Variants in PDE4D observed in about 807,000 individuals in gnomAD.
PDE4D encodes the protein 3',5'-cyclic-AMP phosphodiesterase 4D.
PDE4D carries 24 observed loss-of-function variants against 87.4 expected under a neutral mutation model. The observed-to-expected ratio is 0.27, with a 90% CI of 0.20 to 0.39. The LOEUF is 0.39. Among genes scored for constraint, PDE4D ranks in the 10% least tolerant of loss-of-function variants. PDE4D has a pLI of 1.00. For missense variants in PDE4D, 714 were observed against 1,041.0 expected (o/e 0.69, Z 4.32); for synonymous variants, 384 against 383.2 (o/e 1.00, Z -0.02).
rs545228504 is a variant in PDE4D at position 59,084,697 on chromosome 5, G to A, written c.809-45726C>T. Among the ~76,000 whole-genome samples, 7 of 151,384 alleles carry A rather than the reference G, an allele frequency of 4.6e-5. No homozygotes were observed. In the South Asian group the frequency reaches 1.5e-3, roughly 32 times the overall value. On this transcript the variant is annotated intron_variant, in intron 5 of 14. Transcript: ENST00000340635. Reference sequence around the variant, plus strand: ...AGTCCAGGAGTTTGAGACCAGCCTGGGCAACAAAGTGAGACACCTGTCTCC... The same window carrying A: ...AGTCCAGGAGTTTGAGACCAGCCTGAGCAACAAAGTGAGACACCTGTCTCC...
At chr5:59,586,466 C>T in intron 1 of PDE4D, 1 of 1,490,306 alleles carries the variant, frequency 6.7e-7, no homozygotes, top group Non-Finnish European at 8.9e-7. Context: ...CTTGTTTGAG[C>T]AGCTATCGTG....
chr5:59,941,871 A>G (rs979210735), intron 3 of PDE4D, among the ~76,000 whole-genome samples: 4 of 152,206 alleles, frequency 2.6e-5, no homozygotes, highest in African/African-American at 9.6e-5. Context: ...CCTCCATTCA[A>G]TGATGGGGGA....
chr5:59,405,833 A>C (rs1463093277), intron 1 of PDE4D, among the ~76,000 whole-genome samples: 1 of 152,160 alleles, frequency 6.6e-6, no homozygotes, highest in African/African-American at 2.4e-5. Context: ...TATCACACTG[A>C]CTGATTTACA....
chr5:59,400,738 AAAAAAAT>A (rs869146701), intron 1 of PDE4D, among the ~76,000 whole-genome samples: 2,116 of 122,138 alleles, frequency 0.017, 43 homozygotes, highest in African/African-American at 0.061. Flanking sequence ...TATAATAATA[AAAAAAAT>A]AAAAAAATAA....
At chr5:59,450,729 G>C (rs576859377) in intron 1 of PDE4D, among the ~76,000 whole-genome samples, 1 of 152,244 alleles carries the variant, frequency 6.6e-6, no homozygotes, top group African/African-American at 2.4e-5. Context: ...TCCATGTCCA[G>C]CCATCAAAAT....
At chr5:59,599,218 T>G (rs1311962065) in intron 1 of PDE4D, among the ~76,000 whole-genome samples, 3 of 141,614 alleles carry the variant, frequency 2.1e-5, no homozygotes, top group Non-Finnish European at 4.5e-5. Context: ...GATAGCAAAA[T>G]GCTGTTTTTT....
chr5:59,794,179 ACAGAC>A (rs1284803203), intron 1 of PDE4D, among the ~76,000 whole-genome samples: 1 of 142,442 alleles, frequency 7.0e-6, no homozygotes, highest in African/African-American at 2.6e-5. Flanking sequence ...ACACACACAC[ACAGAC>A]AACTCTAGCT....
chr5:59,495,296 T>G (rs886975744), intron 1 of PDE4D, among the ~76,000 whole-genome samples: 2 of 152,042 alleles, frequency 1.3e-5, no homozygotes, highest in African/African-American at 4.8e-5. Context: ...TTCAACAAGG[T>G]TTTTTCTTTG....
intron 1 of PDE4D, chr5:60,304,043 G>A (rs1035344933): frequency 5.3e-5 from 8 of 152,212 alleles, no homozygotes; most frequent in Middle Eastern, 6.8e-3. Flanking sequence ...TTACTATTAC[G>A]TAAGAAAATA....
intron 2 of PDE4D, among the ~76,000 whole-genome samples, chr5:60,176,726 GATTGCT>G (rs1380144141): frequency 1.3e-5 from 2 of 152,158 alleles, no homozygotes; most frequent in Non-Finnish European, 1.5e-5. Context: ...TTTGAGGAAA[GATTGCT>G]CTTTTAGTTT....
At chr5:59,226,996 T>A (rs75681744) in intron 1 of PDE4D, among the ~76,000 whole-genome samples, 1 of 152,124 alleles carries the variant, frequency 6.6e-6, no homozygotes, top group Non-Finnish European at 1.5e-5. Flanking sequence ...ACTAAGAGTA[T>A]GGAGGGAAGA....
At chr5:60,166,557 A>G (rs1782918632) in intron 2 of PDE4D, among the ~76,000 whole-genome samples, 1 of 152,210 alleles carries the variant, frequency 6.6e-6, no homozygotes, top group African/African-American at 2.4e-5. Context: ...TTTCTTCTAA[A>G]GATATAAGTG....
intron 1 of PDE4D, chr5:59,356,618 T>A: frequency 1.5e-6 from 1 of 650,528 alleles, no homozygotes; most frequent in Non-Finnish European, 2.5e-6. Flanking sequence ...GTTTACATCA[T>A]CTTCTTGGCT....
intron 3 of PDE4D, among the ~76,000 whole-genome samples, chr5:59,922,252 A>C (rs952326439): frequency 2.6e-5 from 4 of 152,188 alleles, no homozygotes; most frequent in African/African-American, 4.8e-5. Flanking sequence ...GGGGTACTAA[A>C]TAAACTTGAA....
intron 1 of PDE4D, among the ~76,000 whole-genome samples, chr5:59,401,078 C>A (rs1457463860): frequency 6.6e-6 from 1 of 152,124 alleles, no homozygotes; most frequent in African/African-American, 2.4e-5. Flanking sequence ...GTTTCATGCA[C>A]AAAATTATTT....
At chr5:60,218,278 T>A (rs1191016527) in intron 1 of PDE4D, among the ~76,000 whole-genome samples, 4 of 152,016 alleles carry the variant, frequency 2.6e-5, no homozygotes, top group Non-Finnish European at 5.9e-5. Flanking sequence ...TATCATTCCA[T>A]TTCTATGAAG....
intron 10 of PDE4D, 102 bp from the exon 11 acceptor site, chr5:58,988,694 T>TG: frequency 2.0e-6 from 1 of 500,238 alleles, no homozygotes; most frequent in Non-Finnish European, 3.3e-6. Context: ...GAAAACAAAA[T>TG]GAAGCTTCAA....
At chr5:59,454,251 C>G (rs920406157) in intron 1 of PDE4D, among the ~76,000 whole-genome samples, 1 of 152,146 alleles carries the variant, frequency 6.6e-6, no homozygotes, top group South Asian at 2.1e-4. Context: ...TTGGCTGTGT[C>G]GCCACCCAAA....
intron 1 of PDE4D, among the ~76,000 whole-genome samples, chr5:59,876,607 A>G (rs1203143867): frequency 6.6e-6 from 1 of 151,378 alleles, no homozygotes; most frequent in Non-Finnish European, 1.5e-5. Context: ...TCTCAACTGG[A>G]CTCCCCCCAC....
Sources: gnomAD v4.1 joint callset for allele counts (sites outside exome capture counted in the v4.1 genomes callset) on GRCh38, gnomAD v4.1.1 for gene constraint, MANE v1.5 for transcripts, NCBI Gene and HGNC (gene_info 2026-07-23, HGNC 2026-07-21) for gene names.